The following SLC25A48 variants were observed in gnomAD, a reference collection of about 807,000 sequenced individuals.
SLC25A48 encodes the protein CTC-321K16.1.
A neutral mutation model predicts 32.2 loss-of-function variants in SLC25A48; 29 were observed. The observed-to-expected ratio is 0.90, with a 90% CI of 0.67 to 1.23. SLC25A48 has a LOEUF of 1.23. Ranked by LOEUF, SLC25A48 falls within the 50% of genes most tolerant of loss-of-function variation. The pLI, the probability that SLC25A48 is intolerant of heterozygous loss-of-function variation, is 0.00. For synonymous variants in SLC25A48, 164 were observed against 172.3 expected, an observed-to-expected ratio of 0.95 and a Z score of 0.38; for missense variants, 399 against 422.7, an observed-to-expected ratio of 0.94 and a Z score of 0.49.
chr5:135,835,009 G>A (rs560187550), intron 1 of SLC25A48, 116 bp downstream of exon 1: 11 of 1,315,550 alleles, frequency 8.4e-6, no homozygotes, highest in Middle Eastern at 1.9e-4. Context: ...CGTTGTGCGC[G>A]CAGCCTGCTT....
chr5:135,822,295 A>T (rs1353888804), intron 4 of SLC25A48: 4 of 152,304 alleles, frequency 2.6e-5, no homozygotes, highest in Non-Finnish European at 5.9e-5. Context: ...AACCCACATG[A>T]GTTAGTGTCC....
At chr5:135,778,459 C>T (rs1262067962) in intron 3 of SLC25A48, among the ~76,000 whole-genome samples, 2 of 151,586 alleles carry the variant, frequency 1.3e-5, no homozygotes, top group African/African-American at 4.8e-5. Flanking sequence ...CCCACCCCGT[C>T]CCCCCGCTGT....
At chr5:135,651,245 T>TG (rs2126925532) in intron 3 of SLC25A48, among the ~76,000 whole-genome samples, 1 of 152,298 alleles carries the variant, frequency 6.6e-6, no homozygotes, top group East Asian at 1.9e-4. Context: ...AATGCCTTGC[T>TG]CCTGCAGATG....
At chr5:135,580,884 T>G (rs893013782) in intron 1 of SLC25A48, among the ~76,000 whole-genome samples, 6 of 152,176 alleles carry the variant, frequency 3.9e-5, no homozygotes, top group East Asian at 3.9e-4. Flanking sequence ...ATTAGCATAT[T>G]GTGAACATCG....
intron 1 of SLC25A48, among the ~76,000 whole-genome samples, chr5:135,837,915 TG>T (rs1302696210): frequency 6.6e-6 from 1 of 152,330 alleles, no homozygotes; most frequent in Non-Finnish European, 1.5e-5. Flanking sequence ...TAAAGATACC[TG>T]AAAATGTGGA....
At position 135,850,303 on chromosome 5, in the gene SLC25A48, G is replaced by A. The variant is rs1759739465; in HGVS notation, c.91-122G>A. ...ACAGGGCACCAGCCTGGCCAGGACT[G>A]AAACCCAGACCCTTTGCTGGCGGGG... is the stretch of plus-strand genomic sequence containing the variant. On this transcript the variant is annotated intron_variant, in intron 2 of 7. Transcript: ENST00000681962. 1.7e-5 allele frequency: 16 copies of A among 963,492 alleles called. No individual in the cohort carries two copies. In the South Asian group the frequency reaches 2.2e-4, roughly 13 times the overall value. The allele number at this position is 963,492 out of a possible 1,614,324, so 59.7% of individuals were successfully genotyped here.
At chr5:135,652,909 C>G (rs1171836655) in intron 3 of SLC25A48, among the ~76,000 whole-genome samples, 1 of 152,174 alleles carries the variant, frequency 6.6e-6, no homozygotes, top group Non-Finnish European at 1.5e-5. Flanking sequence ...ATCTCCAATG[C>G]AACAGTGTTG....
upstream of SLC25A48, chr5:135,579,177 C>T (rs1751174899): frequency 9.5e-6 from 3 of 314,784 alleles, no homozygotes; most frequent in Non-Finnish European, 1.2e-5. Context: ...GGCGCACACC[C>T]GGAGCCACGC....
intron 3 of SLC25A48, among the ~76,000 whole-genome samples, chr5:135,638,730 C>A (rs571713402): frequency 6.6e-6 from 1 of 152,096 alleles, no homozygotes; most frequent in Non-Finnish European, 1.5e-5. Context: ...AATTTAGATA[C>A]CAAATATAAC....
In SLC25A48 at chr5:135,732,318, G is replaced by C. The variant is rs180890212; in HGVS notation, c.-520-80205G>C. Among the ~76,000 whole-genome samples the C allele has an allele frequency of 1.7e-4, 26 of 152,242 alleles. No homozygotes were observed. The East Asian group carries it at 5.0e-3, about 29-fold the overall frequency. On this transcript the variant is annotated intron_variant, in intron 3 of 10. Transcript: ENST00000646290. ...CCATTATTGGACTGTATAGAGGTGG[G>C]AAGGCCAAACCGAGGAATTATGTCT... is the stretch of plus-strand genomic sequence containing the variant.
intron 3 of SLC25A48, among the ~76,000 whole-genome samples, chr5:135,639,219 G>T (rs187517895): frequency 6.6e-6 from 1 of 152,272 alleles, no homozygotes; most frequent in East Asian, 1.9e-4. Flanking sequence ...TCTTTATAAT[G>T]GTTCTAAGAT....
intron 1 of SLC25A48, among the ~76,000 whole-genome samples, chr5:135,596,541 G>A (rs1751655561): frequency 6.6e-6 from 1 of 152,248 alleles, no homozygotes; most frequent in African/African-American, 2.4e-5. Flanking sequence ...CACTTCCATT[G>A]TCTGAATGAT....
chr5:135,795,914 GATAT>G (rs1757159630), intron 3 of SLC25A48, among the ~76,000 whole-genome samples: 1 of 143,946 alleles, frequency 6.9e-6, no homozygotes, highest in African/African-American at 2.6e-5. Flanking sequence ...GGGTGAGGGT[GATAT>G]TACTCCCCAT....
At chr5:135,665,396 T>C (rs1186076004) in intron 3 of SLC25A48, among the ~76,000 whole-genome samples, 1 of 152,248 alleles carries the variant, frequency 6.6e-6, no homozygotes, top group East Asian at 1.9e-4. Context: ...CTGATGATTA[T>C]TTCTTTTGCT....
chr5:135,837,437 T>A (rs546828495), intron 1 of SLC25A48, among the ~76,000 whole-genome samples: 1 of 152,310 alleles, frequency 6.6e-6, no homozygotes, highest in South Asian at 2.1e-4. Flanking sequence ...TCCTCCTCAG[T>A]GTTCTCGGGA....
chr5:135,587,986 G>C (rs1751410924), intron 1 of SLC25A48, among the ~76,000 whole-genome samples: 1 of 152,230 alleles, frequency 6.6e-6, no homozygotes, highest in South Asian at 2.1e-4. Context: ...CTCTGAGAAC[G>C]GGCCCCTGTG....
chr5:135,748,242 G>A (rs114175321), intron 3 of SLC25A48, among the ~76,000 whole-genome samples: 1,860 of 152,292 alleles, frequency 0.012, 38 homozygotes, highest in African/African-American at 0.042. Flanking sequence ...CTGATACAGG[G>A]CCTTGGCTCT....
intron 3 of SLC25A48, among the ~76,000 whole-genome samples, chr5:135,673,447 A>G (rs1753700560): frequency 6.6e-6 from 1 of 152,062 alleles, no homozygotes; most frequent in African/African-American, 2.4e-5. Flanking sequence ...TCTCATTGTA[A>G]TTTTCATTTG....
chr5:135,864,492 G>A (rs562315224), intron 4 of SLC25A48, among the ~76,000 whole-genome samples: 2 of 152,254 alleles, frequency 1.3e-5, no homozygotes, highest in South Asian at 4.2e-4. Flanking sequence ...GGAACCCTTG[G>A]AGCATGAAAA....
Sources: gnomAD v4.1 joint callset for allele counts (sites outside exome capture counted in the v4.1 genomes callset) on GRCh38, gnomAD v4.1.1 for gene constraint, MANE v1.5 for transcripts, NCBI Gene and HGNC (gene_info 2026-07-23, HGNC 2026-07-21) for gene names.